Variants in SHISA6 observed in about 807,000 individuals in gnomAD.
SHISA6 encodes the protein shisa family member 6, also known as protein shisa-6.
Under a neutral mutation model 47.9 loss-of-function variants are expected in SHISA6, and 22 were observed. The ratio of observed to expected loss-of-function variants is 0.46; its 90% confidence interval spans 0.33 to 0.66. SHISA6 has a LOEUF of 0.66. SHISA6 is among the 30% of genes least tolerant of loss of function. SHISA6 has a pLI of 0.02. For synonymous variants in SHISA6, 388 were observed against 337.8 expected (o/e 1.15, Z -1.63); for missense variants, 680 against 764.6 (o/e 0.89, Z 1.30).
chr17:11,415,058 G>A (rs576739779), intron 3 of SHISA6, among the ~76,000 whole-genome samples: 7 of 148,636 alleles, frequency 4.7e-5, no homozygotes, highest in African/African-American at 1.5e-4. Flanking sequence ...AGCCTGGGGC[G>A]ACAAGAGCAA....
intron 3 of SHISA6, among the ~76,000 whole-genome samples, chr17:11,385,563 G>A (rs1913163848): frequency 6.6e-6 from 1 of 152,200 alleles, no homozygotes; most frequent in African/African-American, 2.4e-5. Flanking sequence ...TCAGATGCTT[G>A]TTAACCATCC....
At chr17:11,369,702 G>A (rs980552820) in intron 2 of SHISA6, among the ~76,000 whole-genome samples, 27 of 152,260 alleles carry the variant, frequency 1.8e-4, no homozygotes, top group African/African-American at 5.5e-4. Context: ...TCTTCTGCCC[G>A]GCTCTTTTCA....
At chr17:11,393,128 G>T (rs205062) in intron 3 of SHISA6, among the ~76,000 whole-genome samples, 3 of 152,130 alleles carry the variant, frequency 2.0e-5, no homozygotes, top group East Asian at 1.9e-4. Context: ...GAAGATATCT[G>T]GGCATTTATT....
At chr17:11,332,215 G>A (rs1381902294) in intron 2 of SHISA6, among the ~76,000 whole-genome samples, 1 of 148,152 alleles carries the variant, frequency 6.7e-6, no homozygotes, top group East Asian at 2.0e-4. Flanking sequence ...TCTCATTGGC[G>A]CAAAGAGACA....
chr17:11,383,306 G>T (rs1264055295), intron 3 of SHISA6, among the ~76,000 whole-genome samples: 9 of 152,130 alleles, frequency 5.9e-5, no homozygotes, highest in East Asian at 3.9e-4. Flanking sequence ...ATCAGCGGGG[G>T]CTCTTCCACT....
intron 2 of SHISA6, among the ~76,000 whole-genome samples, chr17:11,297,528 C>T (rs551049746): frequency 2.0e-5 from 3 of 152,238 alleles, no homozygotes; most frequent in Admixed American, 2.0e-4. Flanking sequence ...GAAGCGAGGG[C>T]AACAAAGGAG....
intron 3 of SHISA6, among the ~76,000 whole-genome samples, chr17:11,461,888 C>A (rs2142314175): frequency 6.6e-6 from 1 of 152,216 alleles, no homozygotes; most frequent in Non-Finnish European, 1.5e-5. Context: ...GAGGGGTATT[C>A]CCTCCTAGGT....
chr17:11,422,068 T>C (rs1052597931), intron 3 of SHISA6, among the ~76,000 whole-genome samples: 1 of 152,146 alleles, frequency 6.6e-6, no homozygotes, highest in Non-Finnish European at 1.5e-5. Flanking sequence ...TCTCTTGCAC[T>C]TTTGGGTTTA....
intron 1 of SHISA6, among the ~76,000 whole-genome samples, chr17:11,253,225 C>T (rs8068686): frequency 0.86 from 131,452 of 152,140 alleles, 60,135 homozygotes; most frequent in East Asian, 1. Context: ...ACTTGCCTTC[C>T]TGAACTTGTC....
In SHISA6 at chr17:11,297,176, C is replaced by T. The variant is rs904434169; in HGVS notation, c.799+33650C>T. On this transcript the variant is annotated intron_variant, in intron 2 of 5. Transcript: ENST00000441885. ...TATAGATGGAAGACACCAGATCATG[C>T]GTGTTTGCCATAGAGCTCCATCTAG... is the stretch of plus-strand genomic sequence containing the variant. 5.3e-5 allele frequency among the ~76,000 whole-genome samples: 8 copies of T among 151,926 alleles called. No individual in the cohort carries two copies. The East Asian group carries it at 1.2e-3, about 22-fold the overall frequency.
chr17:11,246,169 C>T (rs1198031025), intron 1 of SHISA6, among the ~76,000 whole-genome samples: 1 of 151,880 alleles, frequency 6.6e-6, no homozygotes, highest in Admixed American at 6.5e-5. Flanking sequence ...TTTAGCCTTG[C>T]CTTTATTTCT....
intron 2 of SHISA6, among the ~76,000 whole-genome samples, chr17:11,274,879 A>G (rs4791457): frequency 0.99 from 151,437 of 152,234 alleles, 75,327 homozygotes; most frequent in Middle Eastern, 1. Context: ...GATCATCACC[A>G]AGTGCTTGAA....
intron 2 of SHISA6, among the ~76,000 whole-genome samples, chr17:11,297,834 G>A (rs1015007414): frequency 1.3e-5 from 2 of 152,176 alleles, no homozygotes; most frequent in Admixed American, 6.5e-5. Flanking sequence ...GCCCTTCAGC[G>A]AAAGAAGGAG....
chr17:11,261,143 G>A (rs1033986141), intron 1 of SHISA6, among the ~76,000 whole-genome samples: 17 of 152,086 alleles, frequency 1.1e-4, no homozygotes, highest in African/African-American at 3.9e-4. Context: ...GGAGGGGGAG[G>A]GGGAGTAGGC....
At chr17:11,404,680 A>C (rs139417052) in intron 3 of SHISA6, among the ~76,000 whole-genome samples, 1 of 152,196 alleles carries the variant, frequency 6.6e-6, no homozygotes, top group African/African-American at 2.4e-5. Context: ...CCAAGCACAC[A>C]CAGTAATGTA....
At chr17:11,453,827 T>A (rs932666399) in intron 3 of SHISA6, among the ~76,000 whole-genome samples, 21 of 152,202 alleles carry the variant, frequency 1.4e-4, no homozygotes, top group Non-Finnish European at 2.8e-4. Flanking sequence ...TATGATTCCA[T>A]TAATATGACA....
At chr17:11,423,256 A>AT (rs1914504386) in intron 3 of SHISA6, among the ~76,000 whole-genome samples, 2 of 128,058 alleles carry the variant, frequency 1.6e-5, no homozygotes, top group African/African-American at 3.3e-5. Flanking sequence ...TATATATATA[A>AT]TATATATATA....
chr17:11,390,691 T>G (rs567329087), intron 3 of SHISA6, among the ~76,000 whole-genome samples: 1 of 152,334 alleles, frequency 6.6e-6, no homozygotes, highest in South Asian at 2.1e-4. Flanking sequence ...TTCTATATCC[T>G]GCATGTTGGA....
chr17:11,350,188 T>TA (rs1224491762), intron 2 of SHISA6, among the ~76,000 whole-genome samples: 4,580 of 138,072 alleles, frequency 0.033, 110 homozygotes, highest in Non-Finnish European at 0.045. Context: ...ATTTATTTTT[T>TA]TTTTTTTTTG....
Sources: allele counts gnomAD v4.1 joint callset (sites outside exome capture counted in the v4.1 genomes callset), GRCh38; gene constraint gnomAD v4.1.1; transcripts MANE v1.5; gene names NCBI Gene and HGNC (gene_info 2026-07-23, HGNC 2026-07-21).